Variants in CACNA1D observed in about 807,000 individuals in gnomAD.
CACNA1D encodes voltage-dependent L-type calcium channel subunit alpha-1D.
A neutral mutation model predicts 257.1 loss-of-function variants in CACNA1D; 55 were observed. The observed-to-expected ratio is 0.21, with a 90% CI of 0.17 to 0.27. CACNA1D has a LOEUF of 0.27. Ranked by LOEUF, CACNA1D falls within the 10% of genes least tolerant of loss-of-function variation. The pLI is 1.00. For synonymous variants in CACNA1D, 980 were observed against 1,014.9 expected (o/e 0.97, Z 0.65); for missense variants, 1,876 against 2,784.0 (o/e 0.67, Z 7.34).
chr3:53,713,541 T>A lies in CACNA1D; in HGVS notation c.1391-4760T>A, dbSNP rs111351201. Reference sequence around the variant, plus strand: ...GTGTGTGTGTGTGTGTGTGTGTGTGTGTGAGAGATTTGCCTCCAAATTCAC... The same window carrying A: ...GTGTGTGTGTGTGTGTGTGTGTGTGAGTGAGAGATTTGCCTCCAAATTCAC... On this transcript the variant is annotated intron_variant, in intron 9 of 47. Coordinates refer to ENST00000350061, the MANE Select transcript of CACNA1D (RefSeq NM_001128840.3). Among the ~76,000 whole-genome samples, 387 of 127,706 alleles carry A rather than the reference T, an allele frequency of 3.0e-3. 1 individual carries two copies. Among genetic ancestry groups the A allele is most frequent in the African/African-American group, 0.012 (333 of 26,774 alleles). 83.8% of individuals were successfully genotyped at this position (127,706 alleles called of 152,430 possible).
chr3:53,744,628 C>T, intron 22 of CACNA1D, 112 bp from the exon 23 acceptor site: 1 of 779,626 alleles, frequency 1.3e-6, no homozygotes, highest in Non-Finnish European at 2.4e-6. Context: ...ACATGGATCC[C>T]ACGCTAACTG....
chr3:53,694,999 G>A (rs983070637), intron 8 of CACNA1D, among the ~76,000 whole-genome samples: 1 of 152,184 alleles, frequency 6.6e-6, no homozygotes, highest in African/African-American at 2.4e-5. Flanking sequence ...GCATACCATT[G>A]TTCTGTCGTC....
intron 3 of CACNA1D, among the ~76,000 whole-genome samples, chr3:53,605,604 G>C (rs1385317414): frequency 6.6e-6 from 1 of 152,234 alleles, no homozygotes; most frequent in East Asian, 1.9e-4. Context: ...TGGATGGTTA[G>C]TATTGTGGTG....
intron 3 of CACNA1D, among the ~76,000 whole-genome samples, chr3:53,631,026 G>A (rs11130375): frequency 0.35 from 53,511 of 152,154 alleles, 10,359 homozygotes; most frequent in East Asian, 0.57. Context: ...TTTTGGTGGT[G>A]AGGGGCTTTG....
chr3:53,568,493 C>A (rs1009995561), intron 3 of CACNA1D, among the ~76,000 whole-genome samples: 2 of 152,198 alleles, frequency 1.3e-5, no homozygotes, highest in Non-Finnish European at 2.9e-5. Context: ...ACTGCCACAT[C>A]CCCCTGCCTA....
intron 3 of CACNA1D, among the ~76,000 whole-genome samples, chr3:53,542,125 T>A (rs1328060646): frequency 6.6e-6 from 1 of 152,160 alleles, no homozygotes; most frequent in Non-Finnish European, 1.5e-5. Context: ...TTAAATTGTG[T>A]ACTTAAATGA....
intron 3 of CACNA1D, among the ~76,000 whole-genome samples, chr3:53,505,892 A>G (rs1401792358): frequency 1.3e-5 from 2 of 152,184 alleles, no homozygotes; most frequent in East Asian, 1.9e-4. Context: ...GTGGCCAGGA[A>G]TGCTGCGGGA....
intron 3 of CACNA1D, among the ~76,000 whole-genome samples, chr3:53,557,029 CTAAG>C (rs1465536567): frequency 6.6e-6 from 1 of 152,074 alleles, no homozygotes; most frequent in African/African-American, 2.4e-5. Context: ...TTTCTGTTCT[CTAAG>C]TGTGTTTTGC....
chr3:53,691,149 CTT>C (rs746562216), intron 8 of CACNA1D, among the ~76,000 whole-genome samples: 1 of 139,802 alleles, frequency 7.2e-6, no homozygotes, highest in Non-Finnish European at 1.5e-5. Context: ...AAGAATACCT[CTT>C]TTTTTTTTTT....
chr3:53,558,722 A>G (rs1197735373), intron 3 of CACNA1D, among the ~76,000 whole-genome samples: 2 of 152,186 alleles, frequency 1.3e-5, no homozygotes, highest in African/African-American at 4.8e-5. Flanking sequence ...TCTTCTGAGA[A>G]ATCTGTAATA....
intron 40 of CACNA1D, among the ~76,000 whole-genome samples, chr3:53,797,011 C>G (rs957350455): frequency 6.6e-6 from 1 of 151,990 alleles, no homozygotes; most frequent in African/African-American, 2.4e-5. Context: ...TAGAGGTAGA[C>G]ACAGATATGA....
intron 25 of CACNA1D, 57 bp from the exon 26 acceptor site, chr3:53,747,245 G>A (rs2095178609): frequency 1.1e-5 from 17 of 1,528,256 alleles, no homozygotes; most frequent in Middle Eastern, 2.1e-4. Context: ...CCAACTTTAC[G>A]CTGCTTCCAC....
At chr3:53,777,215 A>G (rs985876892) in intron 37 of CACNA1D, among the ~76,000 whole-genome samples, 10 of 152,222 alleles carry the variant, frequency 6.6e-5, no homozygotes, top group South Asian at 2.1e-4. Context: ...AGTCCGGTCC[A>G]GAAGGAACAC....
chr3:53,730,987 G>T, intron 16 of CACNA1D, 90 bp from the exon 17 acceptor site: 1 of 804,924 alleles, frequency 1.2e-6, no homozygotes, highest in Non-Finnish European at 2.1e-6. Context: ...GTCCTTCATT[G>T]GAGCATTATT....
intron 3 of CACNA1D, among the ~76,000 whole-genome samples, chr3:53,566,636 C>A (rs745456720): frequency 6.6e-6 from 1 of 152,150 alleles, no homozygotes. Context: ...TGTGCCACAG[C>A]GTGGCACATG....
intron 3 of CACNA1D, among the ~76,000 whole-genome samples, chr3:53,583,429 C>T (rs1343502343): frequency 6.6e-6 from 1 of 152,182 alleles, no homozygotes; most frequent in East Asian, 1.9e-4. Flanking sequence ...GAGCTGTCTT[C>T]TCTCTAAAGG....
intron 47 of CACNA1D, among the ~76,000 whole-genome samples, chr3:53,810,758 C>CA (rs71074934): frequency 0.15 from 10,440 of 68,166 alleles, 1,977 homozygotes; most frequent in Non-Finnish European, 0.19. Context: ...ACTCTTGTCT[C>CA]AAAAAAAAAA....
chr3:53,652,134 C>T (rs765765283), intron 4 of CACNA1D, among the ~76,000 whole-genome samples: 22 of 152,094 alleles, frequency 1.4e-4, no homozygotes, highest in African/African-American at 3.9e-4. Context: ...TGGACTCTGT[C>T]GAGGAATGGC....
At chr3:53,704,358 TCC>T (rs1267856019) in intron 9 of CACNA1D, among the ~76,000 whole-genome samples, 1 of 152,236 alleles carries the variant, frequency 6.6e-6, no homozygotes, top group East Asian at 1.9e-4. Context: ...CTTCTCTCCC[TCC>T]CTGCTTCTTG....
Sources: gnomAD v4.1 joint callset for allele counts (sites outside exome capture counted in the v4.1 genomes callset) on GRCh38, gnomAD v4.1.1 for gene constraint, MANE v1.5 for transcripts, NCBI Gene and HGNC (gene_info 2026-07-23, HGNC 2026-07-21) for gene names.